Variants in SLC34A2 observed in about 807,000 individuals in gnomAD.
The protein encoded by SLC34A2 is solute carrier family 34 member 2.
In SLC34A2, 41 loss-of-function variants were observed where a neutral mutation model predicts 50.8. The observed-to-expected ratio is 0.81, with a 90% CI of 0.63 to 1.05. SLC34A2 has a LOEUF of 1.05. Ranked by LOEUF, SLC34A2 falls within the 50% of genes least tolerant of loss-of-function variation. The pLI is 0.00. For missense variants in SLC34A2, 879 were observed against 876.7 expected, an observed-to-expected ratio of 1.00 and a Z score of -0.03; for synonymous variants, 401 against 364.2, an observed-to-expected ratio of 1.10 and a Z score of -1.15.
At chr4:25,664,734 C>T (rs1351990134) in intron 4 of SLC34A2, among the ~76,000 whole-genome samples, 1 of 151,740 alleles carries the variant, frequency 6.6e-6, no homozygotes, top group East Asian at 1.9e-4. Context: ...GGACAGGGCC[C>T]CTTCTCTGGG....
chr4:25,664,971 A>T (rs1263832770), intron 4 of SLC34A2: 1 of 230,570 alleles, frequency 4.3e-6, no homozygotes, highest in Non-Finnish European at 8.6e-6. Context: ...CGGAGAGATC[A>T]TGAACCAGCC....
chr4:25,676,629 G>T lies in SLC34A2; in HGVS notation c.1953G>T (p.Ala651=), dbSNP rs545092978. ...AGTGCTGCGAGGACTTGGAGGAGGC[G>T]CAGGAGGGGCAGGATGTCCCTGTCA... ...CSKCCEDLEE[A]QEGQDVPVKA... Residue 651 remains alanine (A), a synonymous_variant, in exon 13 of 13, where the codon GCG becomes GCT. Coordinates refer to ENST00000382051, the MANE Select transcript of SLC34A2 (RefSeq NM_006424.3). The T allele has an allele frequency of 9.3e-6, 15 of 1,613,940 alleles. No individual in the cohort carries two copies. In the South Asian group the frequency reaches 1.4e-4, roughly 15 times the overall value.
In SLC34A2 at chr4:25,666,129, A is replaced by G. The variant is rs199876512; in HGVS notation, c.381A>G (p.Gly127=). The G allele has an allele frequency of 1.6e-5, 26 of 1,613,380 alleles. No homozygotes were observed. The African/African-American group carries it at 3.2e-4, about 20-fold the overall frequency. ...TGTTTGTTTGTTTGTTTTTCCCAGG[A>G]AAAATGGCAGGACAGTTCTTCAGCA... is the stretch of plus-strand genomic sequence containing the variant. ...ILSSAFQLVG[G]KMAGQFFSNS... is the part of the protein sequence containing the mutation. The change falls in exon 5 of 13, where the codon GGA becomes GGG. Residue 127 remains glycine, a splice_region_variant and synonymous_variant. Transcript: ENST00000382051.
chr4:25,666,116 T>C lies in SLC34A2; in HGVS notation c.380-12T>C, dbSNP rs1289662895. 12 of 1,612,832 alleles carry C rather than the reference T, an allele frequency of 7.4e-6. No homozygotes were observed. The highest frequency in any genetic ancestry group is 1.0e-5 in the Non-Finnish European group (12 of 1,180,030). ...TTGTGATTGTTTTTGTTTGTTTGTTTGTTTTTCCCAGGAAAAATGGCAGGA... is the reference window on the plus strand; with the variant it reads ...TTGTGATTGTTTTTGTTTGTTTGTTCGTTTTTCCCAGGAAAAATGGCAGGA... On this transcript the variant is annotated splice_polypyrimidine_tract_variant and intron_variant, in intron 4 of 12. Coordinates refer to ENST00000382051, the MANE Select transcript of SLC34A2 (RefSeq NM_006424.3).
Position 25,676,155 on chromosome 4 carries a change from C to G in SLC34A2, c.1479C>G (p.Phe493Leu), listed in dbSNP as rs1475358288. The change falls in exon 13 of 13, where the codon TTC becomes TTG. Residue 493 changes from phenylalanine to leucine, a missense_variant. Phe to Leu is a conservative substitution (Grantham distance 22). Coordinates refer to ENST00000382051, the MANE Select transcript of SLC34A2 (RefSeq NM_006424.3). ...TGCAGATCGCCCTGTGCCACTTTTTCTTCAACATCTCCGGCATCTTGCTGT... is the reference window on the plus strand; with the variant it reads ...TGCAGATCGCCCTGTGCCACTTTTTGTTCAACATCTCCGGCATCTTGCTGT... ...SSLQIALCHFFFNISGILLWY... is the reference protein window; with the variant it reads ...SSLQIALCHFLFNISGILLWY... 1 of 1,614,122 alleles carries G rather than the reference C, an allele frequency of 6.2e-7. No homozygotes were observed. The highest frequency in any genetic ancestry group is 8.5e-7 in the Non-Finnish European group (1 of 1,180,046).
chr4:25,660,045 TACCATAGTTAGAAGGAG>T (rs1475115422), intron 1 of SLC34A2, among the ~76,000 whole-genome samples: 1 of 152,232 alleles, frequency 6.6e-6, no homozygotes, highest in African/African-American at 2.4e-5. Context: ...TGCATGGACA[TACCATAGTTAGAAGGAG>T]TAATTTCTCT....
chr4:25,659,963 G>A (rs886241932), intron 1 of SLC34A2, among the ~76,000 whole-genome samples: 1 of 152,202 alleles, frequency 6.6e-6, no homozygotes, highest in Non-Finnish European at 1.5e-5. Context: ...CTTTAGATGT[G>A]AAGTTTATCT....
At chr4:25,671,463 A>G in intron 8 of SLC34A2, 138 bp from the exon 9 acceptor site, 1 of 1,005,466 alleles carries the variant, frequency 9.9e-7, no homozygotes, top group South Asian at 1.3e-5. Context: ...AGTCTTCAAG[A>G]GAAAAGAACT....
intron 6 of SLC34A2, 100 bp from the exon 7 acceptor site, chr4:25,669,547 C>T: frequency 9.8e-7 from 1 of 1,018,632 alleles, no homozygotes; most frequent in South Asian, 1.3e-5. Flanking sequence ...CCATAGGTGA[C>T]ACCTAGCAGA....
In SLC34A2 at chr4:25,656,831, G is replaced by T. The variant is rs555008300; in HGVS notation, c.-4+941G>T. Among the ~76,000 whole-genome samples the T allele has an allele frequency of 8.5e-5, 13 of 152,230 alleles. No individual in the cohort carries two copies. The South Asian group carries it at 1.7e-3, about 19-fold the overall frequency. On this transcript the variant is annotated intron_variant, in intron 1 of 12. Coordinates refer to ENST00000382051, the MANE Select transcript of SLC34A2 (RefSeq NM_006424.3). ...CACTCGAGTCCCCTCTTCCTGTTTG[G>T]GTGCCCCAGGGGGTTTCTGTGTTAG...
At chr4:25,668,719 G>C (rs1337617140) in intron 6 of SLC34A2, among the ~76,000 whole-genome samples, 1 of 151,720 alleles carries the variant, frequency 6.6e-6, no homozygotes, top group Admixed American at 6.6e-5. Flanking sequence ...CTTTCGGTCA[G>C]CTCAACCCAT....
chr4:25,670,870 A>C, intron 8 of SLC34A2, 37 bp downstream of exon 8: 5 of 1,500,630 alleles, frequency 3.3e-6, no homozygotes, highest in Non-Finnish European at 4.6e-6. Flanking sequence ...CGGGGAGTGA[A>C]CCTTTGCATC....
intron 9 of SLC34A2, 47 bp from the exon 10 acceptor site, chr4:25,673,040 C>T (rs201087680): frequency 3.6e-4 from 565 of 1,587,948 alleles, no homozygotes; most frequent in Middle Eastern, 2.8e-3. Context: ...AATCTGTAGC[C>T]GTGGTGGCTC....
chr4:25,663,444 CCTCTT>C (rs1284653453), intron 3 of SLC34A2, among the ~76,000 whole-genome samples: 9 of 152,140 alleles, frequency 5.9e-5, no homozygotes, highest in African/African-American at 2.2e-4. Context: ...AGAAAAGGCC[CCTCTT>C]CTCAGAGAGC....
At chr4:25,670,700 A>T (rs766328841) in intron 7 of SLC34A2, 38 bp from the exon 8 acceptor site, 2 of 1,527,152 alleles carry the variant, frequency 1.3e-6, no homozygotes, top group South Asian at 2.3e-5. Flanking sequence ...ATCGGTTCTG[A>T]GGATATGCTG....
At chr4:25,661,037 T>C (rs1307217502) in intron 1 of SLC34A2, among the ~76,000 whole-genome samples, 1 of 152,064 alleles carries the variant, frequency 6.6e-6, no homozygotes, top group African/African-American at 2.4e-5. Context: ...GTGAAGAAAA[T>C]AGATTGTAAG....
In SLC34A2 at chr4:25,666,190, G is replaced by T. The variant is rs1454056410; in HGVS notation, c.442G>T (p.Val148Leu). The T allele has an allele frequency of 6.2e-7, 1 of 1,614,068 alleles. No individual in the cohort carries two copies. The highest frequency in any genetic ancestry group is 8.5e-7 in the Non-Finnish European group (1 of 1,180,026). ...TATGTCCAACCCTTTGTTGGGGCTG[G>T]TGATCGGGGTGCTGGTGACCGTCTT... Reference protein sequence around the residue: ...SIMSNPLLGLVIGVLVTVLVQ... With the variant: ...SIMSNPLLGLLIGVLVTVLVQ... Residue 148 changes from valine to leucine, a missense_variant, in exon 5 of 13, where the codon GTG becomes TTG. Transcript: ENST00000382051.
chr4:25,664,357 C>G (rs571594491), intron 4 of SLC34A2, 27 bp downstream of exon 4: 1 of 1,613,132 alleles, frequency 6.2e-7, no homozygotes, highest in Non-Finnish European at 8.5e-7. Context: ...GAGAGGTCTG[C>G]GGGTGAGGGG....
At position 25,668,956 on chromosome 4, in the gene SLC34A2, A is replaced by G. The variant is rs1714665149; in HGVS notation, c.636-691A>G. Among the ~76,000 whole-genome samples the G allele has an allele frequency of 2.1e-5, 3 of 145,484 alleles. No individual in the cohort carries two copies. The South Asian group carries it at 6.7e-4, about 33-fold the overall frequency. ...TTCATTGAAGACATAAAAATCCAGA[A>G]CAGAGTTTTTTAAATCTGGAGATAA... On this transcript the variant is annotated intron_variant, in intron 6 of 12. Coordinates refer to ENST00000382051, the MANE Select transcript of SLC34A2 (RefSeq NM_006424.3).
Sources: gnomAD v4.1 joint callset for allele counts (sites outside exome capture counted in the v4.1 genomes callset) on GRCh38, gnomAD v4.1.1 for gene constraint, MANE v1.5 for transcripts, NCBI Gene and HGNC (gene_info 2026-07-23, HGNC 2026-07-21) for gene names.